Variants in CDIP1 observed in about 807,000 individuals in gnomAD.
The protein encoded by CDIP1 is cell death inducing p53 target 1, also known as cell death-inducing p53-target protein 1.
Under a neutral mutation model 17.7 loss-of-function variants are expected in CDIP1, and 9 were observed. That is an observed-to-expected ratio of 0.51 (90% CI 0.31 to 0.89). The LOEUF (loss-of-function observed/expected upper bound fraction) is 0.89, where lower values mean the gene tolerates loss of function less well. Ranked by LOEUF, CDIP1 falls within the 40% of genes least tolerant of loss-of-function variation. The probability of loss-of-function intolerance (pLI) is 0.05; values close to 1 mark genes in which losing one functional copy is unlikely to be tolerated. For missense variants in CDIP1, 263 were observed against 277.9 expected, an observed-to-expected ratio of 0.95 and a Z score of 0.38; for synonymous variants, 117 against 109.5, an observed-to-expected ratio of 1.07 and a Z score of -0.43.
At chr16:4,517,412 C>T (rs997584192) in intron 1 of CDIP1, among the ~76,000 whole-genome samples, 2 of 152,106 alleles carry the variant, frequency 1.3e-5, no homozygotes, top group African/African-American at 4.8e-5. Flanking sequence ...CCTGCCTGCA[C>T]AGTGAATTCC....
At chr16:4,537,831 G>T (rs1234938471) in intron 1 of CDIP1, among the ~76,000 whole-genome samples, 3 of 152,192 alleles carry the variant, frequency 2.0e-5, no homozygotes, top group Non-Finnish European at 4.4e-5. Context: ...GCCCCCCAAG[G>T]AACTCGCTAA....
In CDIP1 at chr16:4,511,169, C is replaced by T. The variant is rs537790610; in HGVS notation, c.*1403G>A. On this transcript the variant is annotated 3_prime_UTR_variant, in exon 6 of 6. Coordinates refer to ENST00000567695, the MANE Select transcript of CDIP1 (RefSeq NM_013399.3). ...CTGGTTTGGTTTAATTAGGTCCTTA[C>T]GTGTTGGTGTTGTCCCAGGCAGTTG... 2.6e-5 allele frequency: 4 copies of T among 152,514 alleles called. No homozygotes were observed. The highest frequency in any genetic ancestry group is 1.9e-4 in the East Asian group (1 of 5,188). The allele number at this position is 152,514 out of a possible 1,614,324, so 9.4% of individuals were successfully genotyped here. A position where few individuals can be genotyped will look rare whatever the true frequency, so the allele number is the denominator to read the frequency against.
chr16:4,527,538 CA>C (rs550359052), intron 1 of CDIP1, among the ~76,000 whole-genome samples: 35 of 151,660 alleles, frequency 2.3e-4, no homozygotes, highest in Non-Finnish European at 4.7e-4. Context: ...AACCTCCTGG[CA>C]AACCACTCTC....
intron 1 of CDIP1, among the ~76,000 whole-genome samples, chr16:4,519,803 C>T (rs779494150): frequency 6.8e-6 from 1 of 146,024 alleles, no homozygotes; most frequent in Non-Finnish European, 1.5e-5. Context: ...CTCACCCCCT[C>T]TCTCGCCATG....
intron 1 of CDIP1, among the ~76,000 whole-genome samples, chr16:4,530,648 CAAAAAA>C (rs71139637): frequency 1.4e-5 from 2 of 143,960 alleles, no homozygotes; most frequent in Non-Finnish European, 3.0e-5. Context: ...GACTCCATCT[CAAAAAA>C]AAAAAACAAA....
chr16:4,518,937 C>T (rs566479508), intron 1 of CDIP1, among the ~76,000 whole-genome samples: 67 of 152,272 alleles, frequency 4.4e-4, no homozygotes, highest in African/African-American at 1.4e-3. Flanking sequence ...TGCCCAGTTC[C>T]CAACAGAGGA....
intron 1 of CDIP1, 193 bp downstream of exon 1, chr16:4,538,509 C>A (rs2059135699): frequency 6.7e-6 from 1 of 148,160 alleles, no homozygotes; most frequent in African/African-American, 2.5e-5. Context: ...ACCCCCCCCA[C>A]CACAACCCGC....
intron 1 of CDIP1, among the ~76,000 whole-genome samples, chr16:4,518,335 G>T (rs1047471229): frequency 6.6e-6 from 1 of 152,218 alleles, no homozygotes; most frequent in Non-Finnish European, 1.5e-5. Context: ...TAAGCCCACA[G>T]GGCATAGCCC....
At position 4,513,103 on chromosome 16, in the gene CDIP1, C is replaced by A; in HGVS notation, c.242-39G>T. On this transcript the variant is annotated intron_variant, in intron 4 of 5. Coordinates refer to ENST00000567695, the MANE Select transcript of CDIP1 (RefSeq NM_013399.3). The surrounding 1 kb of genome is among the most constrained non-coding windows in gnomAD (Gnocchi z 4.1). ...GAAGATGGAGGCGAGAGGTCACTGG[C>A]CTGCCACCTGCACCAGACAAAGAGA... 6.5e-7 allele frequency: 1 copy of A among 1,530,230 alleles called. No individual in the cohort carries two copies. Among genetic ancestry groups the A allele is most frequent in the South Asian group, 1.2e-5 (1 of 80,706 alleles). The allele number at this position is 1,530,230 out of a possible 1,614,324, so 94.8% of individuals were successfully genotyped here. A position where few individuals can be genotyped will look rare whatever the true frequency, so the allele number is the denominator to read the frequency against.
At chr16:4,522,780 C>G (rs969839869) in intron 1 of CDIP1, among the ~76,000 whole-genome samples, 8 of 152,196 alleles carry the variant, frequency 5.3e-5, no homozygotes, top group African/African-American at 1.7e-4. Context: ...CAGCACCCTG[C>G]AGGGACAGGG....
chr16:4,520,784 T>C (rs2141639726), intron 1 of CDIP1, among the ~76,000 whole-genome samples: 1 of 152,296 alleles, frequency 6.6e-6, no homozygotes, highest in East Asian at 1.9e-4. Context: ...GGTCAGTTGT[T>C]TCCCTTGAAG....
intron 1 of CDIP1, among the ~76,000 whole-genome samples, chr16:4,530,827 G>C (rs79713383): frequency 0.011 from 1,599 of 152,012 alleles, 39 homozygotes; most frequent in African/African-American, 0.036. Context: ...AACAAAGCAA[G>C]ACTCTGCCTC....
chr16:4,511,328 G>C lies in CDIP1; in HGVS notation c.*1244C>G, dbSNP rs555385469. ...GCAAGAGAGCAGAGGCCCAGGGCGG[G>C]GGAGTGAAAGGGCCAATTTAATGAG... On this transcript the variant is annotated 3_prime_UTR_variant, in exon 6 of 6. Coordinates refer to ENST00000567695, the MANE Select transcript of CDIP1 (RefSeq NM_013399.3). The C allele has an allele frequency of 6.5e-6, 1 of 152,692 alleles. No homozygotes were observed. The highest frequency in any genetic ancestry group is 1.5e-5 in the Non-Finnish European group (1 of 68,126). The allele number at this position is 152,692 out of a possible 1,614,324, so 9.5% of individuals were successfully genotyped here.
intron 1 of CDIP1, chr16:4,536,471 G>T (rs1280048903): frequency 1.3e-5 from 2 of 152,214 alleles, no homozygotes; most frequent in Non-Finnish European, 2.9e-5. Context: ...GTTGCAAGCT[G>T]ATGACTAGCT....
chr16:4,534,326 C>T (rs955456558), intron 1 of CDIP1, among the ~76,000 whole-genome samples: 1 of 152,210 alleles, frequency 6.6e-6, no homozygotes, highest in African/African-American at 2.4e-5. Flanking sequence ...GACTCCACTG[C>T]GTCCTCAGGA....
intron 1 of CDIP1, among the ~76,000 whole-genome samples, chr16:4,529,617 GCTGA>G (rs762185709): frequency 2.6e-5 from 4 of 152,202 alleles, no homozygotes; most frequent in African/African-American, 7.2e-5. Context: ...TAACTACAAG[GCTGA>G]CTAATTTTAG....
chr16:4,517,393 T>A (rs1688108248), intron 1 of CDIP1, among the ~76,000 whole-genome samples: 1 of 152,058 alleles, frequency 6.6e-6, no homozygotes, highest in Non-Finnish European at 1.5e-5. Context: ...AGCATGACTC[T>A]CCCACCCTCC....
chr16:4,525,047 G>C lies in CDIP1; in HGVS notation c.-104-10383C>G, dbSNP rs74005348. ...GCCCAGGGATTCTAGGCTACAAAGA[G>C]CTATGTCACGCCAATGCACTCTAGC... On this transcript the variant is annotated intron_variant, in intron 1 of 5. Coordinates refer to ENST00000567695, the MANE Select transcript of CDIP1 (RefSeq NM_013399.3). Among the ~76,000 whole-genome samples, 1,133 of 152,234 alleles carry C rather than the reference G, an allele frequency of 7.4e-3. 17 individuals are homozygous for C. Among genetic ancestry groups the C allele is most frequent in the African/African-American group, 0.026 (1,060 of 41,536 alleles).
Position 4,523,291 on chromosome 16 carries a change from G to A in CDIP1, c.-104-8627C>T, listed in dbSNP as rs112199449. Among the ~76,000 whole-genome samples, 367 of 152,288 alleles carry A rather than the reference G, an allele frequency of 2.4e-3. 1 individual carries two copies. The highest frequency in any genetic ancestry group is 3.2e-3 in the Non-Finnish European group (217 of 68,022). On this transcript the variant is annotated intron_variant, in intron 1 of 5. Transcript: ENST00000567695. ...AGCACTTTGGGAGGCTGAGGAGGGC[G>A]GATTACGAGGTCCAGAGATCGAGAC...
Sources: allele counts gnomAD v4.1 joint callset (sites outside exome capture counted in the v4.1 genomes callset), GRCh38; gene constraint gnomAD v4.1.1; non-coding constraint Gnocchi (gnomAD v3.1); transcripts MANE v1.5; gene names NCBI Gene and HGNC (gene_info 2026-07-23, HGNC 2026-07-21).